Variants in DUOX2 observed in about 807,000 individuals in gnomAD.
DUOX2 encodes NADH/NADPH thyroid oxidase p138-tox.
DUOX2 carries 185 observed loss-of-function variants against 183.3 expected under a neutral mutation model. The observed-to-expected ratio is 1.01, with a 90% confidence interval of 0.90 to 1.14. The LOEUF is 1.14. Ranked by LOEUF, DUOX2 falls within the 50% of genes most tolerant of loss-of-function variation. The probability of loss-of-function intolerance (pLI) is 0.00; values close to 1 mark genes in which losing one functional copy is unlikely to be tolerated. For missense variants in DUOX2, 1,999 were observed against 2,022.9 expected, an observed-to-expected ratio of 0.99 and a Z score of 0.23; for synonymous variants, 788 against 812.4, an observed-to-expected ratio of 0.97 and a Z score of 0.51.
chr15:45,099,979 G>A, intron 24 of DUOX2, 71 bp downstream of exon 24: 7 of 1,612,754 alleles, frequency 4.3e-6, no homozygotes, highest in Non-Finnish European at 5.9e-6. Context: ...CTTAGGATCA[G>A]AGGGCTTTCC....
chr15:45,095,108 G>A lies in DUOX2; in HGVS notation c.4240-17C>T. 6.2e-7 allele frequency: 1 copy of A among 1,611,490 alleles called. No homozygotes were observed. The highest frequency in any genetic ancestry group is 1.3e-5 in the African/African-American group (1 of 74,992). On this transcript the variant is annotated splice_polypyrimidine_tract_variant and intron_variant, in intron 31 of 33. Transcript: ENST00000389039. ...GAAGTAGATCTGGGGACACAGGGCTGGAGATCAGGACCCAGCTCAGTTCAG... is the reference window on the plus strand; with the variant it reads ...GAAGTAGATCTGGGGACACAGGGCTAGAGATCAGGACCCAGCTCAGTTCAG...
rs967843968 is a variant in DUOX2 at position 45,106,012 on chromosome 15, C to T, written c.2148+113G>A. 1.7e-5 allele frequency: 24 copies of T among 1,422,444 alleles called. No homozygotes were observed. The African/African-American group carries it at 3.3e-4, about 19-fold the overall frequency. 88.1% of individuals were successfully genotyped at this position (1,422,444 alleles called of 1,614,324 possible). A position where few individuals can be genotyped will look rare whatever the true frequency, so the allele number is the denominator to read the frequency against. On this transcript the variant is annotated intron_variant, in intron 17 of 33. Transcript: ENST00000389039. ...GGGGGCCTCTGAAAGGAGCCCCTCT[C>T]CCCAGCATCAGCTGTCATAGTTGAG... is the stretch of plus-strand genomic sequence containing the variant.
rs112428007 is a variant in DUOX2, at chr15:45,101,809, T to C, written c.2835A>G (p.Gly945=). 17,295 of 1,614,080 alleles carry C rather than the reference T, an allele frequency of 0.011. 109 individuals carry two copies. The highest frequency in any genetic ancestry group is 0.012 in the Non-Finnish European group (14,546 of 1,180,004). ...LRFTQLCVKG[G]GGGGNGIRDI... is the part of the protein sequence containing the mutation. ...CACACTCACCATTTCCACCTCCACC[T>C]CCACCTTTGACACAGAGCTGCGTGA... The change falls in exon 21 of 34, where the codon GGA becomes GGG. Residue 945 remains glycine (G), a synonymous_variant. Coordinates refer to ENST00000389039, the MANE Select transcript of DUOX2 (RefSeq NM_001363711.2).
rs1475723164 is a variant in DUOX2, at chr15:45,106,936, G to A, written c.1727C>T (p.Thr576Ile). 1 of 1,579,780 alleles carries A rather than the reference G, an allele frequency of 6.3e-7. No homozygotes were observed. The highest frequency in any genetic ancestry group is 8.6e-7 in the Non-Finnish European group (1 of 1,163,140). The change falls in exon 15 of 34, where the codon ACT becomes ATT. Residue 576 changes from threonine to isoleucine, a missense_variant. Thr to Ile is a moderately conservative substitution (Grantham distance 89). This residue lies in a region of DUOX2 where 1,628 missense variants were observed against 1,608.6 expected (regional missense o/e 1.01). Transcript: ENST00000389039. ...APCPQPKQLT[T>I]DGLPQCAPLT... ...GGGTGCACACTGGGGCAGGCCGTCA[G>A]TTGTGAGCTGCTTAGGTTGAGGGCA...
intron 29 of DUOX2, 143 bp downstream of exon 29, chr15:45,097,095 C>T (rs1893923254): frequency 8.0e-7 from 1 of 1,254,392 alleles, no homozygotes; most frequent in African/African-American, 1.5e-5. Flanking sequence ...TTCAGGAACC[C>T]CCGAGAGTGG....
intron 26 of DUOX2, 172 bp downstream of exon 26, chr15:45,099,211 C>T (rs1283700335): frequency 1.1e-5 from 6 of 546,956 alleles, no homozygotes; most frequent in East Asian, 3.6e-5. Flanking sequence ...GGGGTTTCAC[C>T]GTGTTAGCCA....
rs865945914 is a variant in DUOX2 at position 45,105,767 on chromosome 15, C to T, written c.2210G>A (p.Cys737Tyr). The T allele has an allele frequency of 6.2e-7, 1 of 1,614,124 alleles. No individual in the cohort carries two copies. The highest frequency in any genetic ancestry group is 1.3e-5 in the African/African-American group (1 of 74,946). Residue 737 changes from cysteine to tyrosine, a missense_variant, in exon 18 of 34, where the codon TGC (cysteine) becomes TAC (tyrosine). This residue lies in a region of DUOX2 where 1,628 missense variants were observed against 1,608.6 expected (regional missense o/e 1.01). Coordinates refer to ENST00000389039, the MANE Select transcript of DUOX2 (RefSeq NM_001363711.2). ...ATGGAGGCCCAGAGCCCAGCGCACG[C>T]AGAAGTCCCATAGCTGCTGCACAAA... ...GAFVQQLWDF[C>Y]VRWALGLHVA...
At position 45,096,411 on chromosome 15, in the gene DUOX2, T is replaced by C. The variant is rs77891843; in HGVS notation, c.3848-351A>G. ...GGCTACCAGACCTCCATTTGAGGGT[T>C]ACCTTTCTACACACCTCCTGCACTA... On this transcript the variant is annotated intron_variant, in intron 29 of 33. Coordinates refer to ENST00000389039, the MANE Select transcript of DUOX2 (RefSeq NM_001363711.2). 9.2e-5 allele frequency among the ~76,000 whole-genome samples: 14 copies of C among 152,256 alleles called. 1 individual carries two copies. The highest frequency in any genetic ancestry group is 1.9e-4 in the Non-Finnish European group (13 of 68,002).
In DUOX2 at chr15:45,111,913, C is replaced by T. The variant is rs765015923; in HGVS notation, c.368G>A (p.Gly123Asp). Residue 123 changes from glycine (G) to aspartate (D), a missense_variant, in exon 5 of 34, where the codon GGT becomes GAT. By Grantham distance (94) the Gly-to-Asp change is moderately conservative (BLOSUM62 -1). Transcript: ENST00000389039. ...GATGTTGAGGAACTCGGCGGGGCAA[C>T]CGGGCGTTTCCACGCTCACCACGTC... Reference protein sequence around the residue: ...LSDVVSVETPGCPAEFLNIRI... With the variant: ...LSDVVSVETPDCPAEFLNIRI... 3 of 1,613,664 alleles carry T rather than the reference C, an allele frequency of 1.9e-6. No individual in the cohort carries two copies. The highest frequency in any genetic ancestry group is 2.2e-5 in the South Asian group (2 of 91,090).
chr15:45,097,978 A>G, intron 27 of DUOX2, 31 bp downstream of exon 27: 3 of 1,611,530 alleles, frequency 1.9e-6, no homozygotes, highest in Non-Finnish European at 2.5e-6. Flanking sequence ...AGAAGTCCTC[A>G]GACAGAACCC....
rs1595527420 is a variant in DUOX2, at chr15:45,109,874, C to T, written c.1131+16G>A. ...GACCTTGACCCATCTTCCCCTGACCCTGACCCCAGTCTGACCTCCCGAATC... is the reference window on the plus strand; with the variant it reads ...GACCTTGACCCATCTTCCCCTGACCTTGACCCCAGTCTGACCTCCCGAATC... On this transcript the variant is annotated intron_variant, in intron 10 of 33. Transcript: ENST00000389039. The T allele has an allele frequency of 1.2e-6, 2 of 1,613,492 alleles. No homozygotes were observed. Among genetic ancestry groups the T allele is most frequent in the Non-Finnish European group, 1.7e-6 (2 of 1,179,378 alleles).
Position 45,113,064 on chromosome 15 carries a change from G to C in DUOX2, c.83C>G (p.Ala28Gly). Residue 28 changes from alanine (A) to glycine (G), a missense_variant, in exon 3 of 34, where the codon GCA (alanine) becomes GGA (glycine). This residue lies in a region of DUOX2 where 356 missense variants were observed against 356.4 expected (regional missense o/e 1.00). Coordinates refer to ENST00000389039, the MANE Select transcript of DUOX2 (RefSeq NM_001363711.2). ...GSLGPSGSQD[A>G]LSLPWEVQRY... Reference sequence around the variant, plus strand: ...CTGCACTTCCCAGGGCAGTGAGAGTGCGTCCTGACTGCCTGTGGGCACAGA... The same window carrying C: ...CTGCACTTCCCAGGGCAGTGAGAGTCCGTCCTGACTGCCTGTGGGCACAGA... The C allele has an allele frequency of 6.2e-7, 1 of 1,613,942 alleles. No individual in the cohort carries two copies. The highest frequency in any genetic ancestry group is 8.5e-7 in the Non-Finnish European group (1 of 1,179,960).
intron 12 of DUOX2, chr15:45,108,537 C>T: frequency 1.6e-6 from 1 of 612,904 alleles, no homozygotes; most frequent in Non-Finnish European, 2.8e-6. Context: ...AGGACAATGG[C>T]ACCCAACCCA....
intron 2 of DUOX2, 43 bp downstream of exon 2, chr15:45,113,299 G>A (rs1188221406): frequency 6.5e-7 from 1 of 1,545,944 alleles, no homozygotes; most frequent in Non-Finnish European, 8.8e-7. Flanking sequence ...ACCTCCCAGG[G>A]ATCCTGGGGA....
chr15:45,097,285 C>T lies in DUOX2; in HGVS notation c.3800G>A (p.Arg1267Gln), dbSNP rs201030966. ...CACCACGCTGATCTCCACCTTCTTCCGGCTCAGGCTCACCAGCTTGTCACC... is the reference window on the plus strand; with the variant it reads ...CACCACGCTGATCTCCACCTTCTTCTGGCTCAGGCTCACCAGCTTGTCACC... ...YGGDKLVSLS[R>Q]KKVEISVVKA... is the part of the protein sequence containing the mutation. The change falls in exon 29 of 34, where the codon CGG becomes CAG. Residue 1267 changes from arginine (R) to glutamine (Q), a missense_variant. Arg to Gln is a conservative substitution (Grantham distance 43, BLOSUM62 1). Transcript: ENST00000389039. The T allele has an allele frequency of 3.7e-5, 59 of 1,614,130 alleles. No individual in the cohort carries two copies. The highest frequency in any genetic ancestry group is 1.2e-4 in the South Asian group (11 of 91,094).
chr15:45,096,703 T>A (rs1170459280), intron 29 of DUOX2, among the ~76,000 whole-genome samples: 1 of 152,190 alleles, frequency 6.6e-6, no homozygotes, highest in African/African-American at 2.4e-5. Flanking sequence ...CCTTAAGTAA[T>A]CTCAATTGAA....
intron 20 of DUOX2, 152 bp from the exon 21 acceptor site, chr15:45,102,141 C>A (rs1894100724): frequency 9.9e-7 from 1 of 1,013,780 alleles, no homozygotes; most frequent in Non-Finnish European, 1.5e-6. Context: ...GCCGCTGACA[C>A]TAAGCTGGGT....
chr15:45,100,822 G>C lies in DUOX2; in HGVS notation c.2938C>G (p.Leu980Val). Residue 980 changes from leucine to valine, a missense_variant, in exon 23 of 34, where the codon CTG becomes GTG. Physicochemically the swap from Leu to Val is conservative, Grantham distance 32. This residue lies in a region of DUOX2 where 1,628 missense variants were observed against 1,608.6 expected (regional missense o/e 1.01). Coordinates refer to ENST00000389039, the MANE Select transcript of DUOX2 (RefSeq NM_001363711.2). ...TPGERSHPQG[L>V]GPPAPEAPEL... ...GGGGCTTCTGGGGCAGGGGGCCCCA[G>C]TCCCTGGGGGTGGGAGCTGAGAAAA... 6.2e-7 allele frequency: 1 copy of C among 1,612,352 alleles called. No homozygotes were observed. The highest frequency in any genetic ancestry group is 8.5e-7 in the Non-Finnish European group (1 of 1,178,470).
At chr15:45,100,973 G>C in intron 22 of DUOX2, 135 bp from the exon 23 acceptor site, 1 of 695,084 alleles carries the variant, frequency 1.4e-6, no homozygotes, top group Non-Finnish European at 2.6e-6. Context: ...TGAATTAATA[G>C]GATCTCATGA....
Sources: gnomAD v4.1 joint callset for allele counts (sites outside exome capture counted in the v4.1 genomes callset) on GRCh38, gnomAD v4.1.1 for gene constraint, gnomAD v4.1.1 regional missense constraint, MANE v1.5 for transcripts, NCBI Gene and HGNC (gene_info 2026-07-23, HGNC 2026-07-21) for gene names.